The following CSMD1 variants were observed in gnomAD, a reference collection of about 807,000 sequenced individuals.
CSMD1 encodes the protein CUB and Sushi multiple domains 1, also known as CUB and sushi domain-containing protein 1.
Under a neutral mutation model 417.5 loss-of-function variants are expected in CSMD1, and 213 were observed. That is an observed-to-expected ratio of 0.51 (90% confidence interval 0.46 to 0.57). CSMD1 has a LOEUF of 0.57. CSMD1 is among the 20% of genes least tolerant of loss of function. CSMD1 has a pLI of 0.00. For missense variants in CSMD1, 6,923 were observed against 4,529.7 expected (o/e 1.53, Z -15.17); for synonymous variants, 2,862 against 1,736.8 (o/e 1.65, Z -16.11).
At chr8:4,453,319 A>T (rs1395946327) in intron 2 of CSMD1, among the ~76,000 whole-genome samples, 1 of 152,096 alleles carries the variant, frequency 6.6e-6, no homozygotes, top group Non-Finnish European at 1.5e-5. Flanking sequence ...GTCCCCAAGA[A>T]TTCAGACTCC....
intron 5 of CSMD1, among the ~76,000 whole-genome samples, chr8:3,884,377 G>C (rs761493803): frequency 1.3e-5 from 2 of 152,170 alleles, no homozygotes; most frequent in African/African-American, 4.8e-5. Context: ...TAGTGACATG[G>C]TGCTTGCCAA....
intron 1 of CSMD1, among the ~76,000 whole-genome samples, chr8:4,756,210 G>C (rs1352544879): frequency 6.6e-6 from 1 of 152,064 alleles, no homozygotes; most frequent in East Asian, 1.9e-4. Flanking sequence ...TTAACATCTA[G>C]CATAATATAG....
At chr8:4,768,154 G>A (rs1382145394) in intron 1 of CSMD1, among the ~76,000 whole-genome samples, 2 of 152,132 alleles carry the variant, frequency 1.3e-5, no homozygotes, top group East Asian at 1.9e-4. Context: ...AACAAAACTA[G>A]TGGTGAAAAT....
intron 7 of CSMD1, among the ~76,000 whole-genome samples, chr8:3,683,044 T>A (rs1416515764): frequency 6.6e-6 from 1 of 151,852 alleles, no homozygotes; most frequent in Non-Finnish European, 1.5e-5. Context: ...CAGGGACTGT[T>A]GTGGGGTGGG....
chr8:3,229,191 G>A (rs537833841), intron 27 of CSMD1, among the ~76,000 whole-genome samples: 59 of 151,992 alleles, frequency 3.9e-4, no homozygotes, highest in Non-Finnish European at 6.5e-4. Context: ...TATGCAAAAT[G>A]GCCTATCCAT....
rs893203865 is a variant in CSMD1, at chr8:4,440,412, A to G, written c.303-20347T>C. ...GAGGATTGCTCTCACTCACACCTATATCTAATTATCCCTTTTCCCCCAGCA... is the reference window on the plus strand; with the variant it reads ...GAGGATTGCTCTCACTCACACCTATGTCTAATTATCCCTTTTCCCCCAGCA... On this transcript the variant is annotated intron_variant, in intron 2 of 69. Transcript: ENST00000635120. Among the ~76,000 whole-genome samples, 5 of 152,264 alleles carry G rather than the reference A, an allele frequency of 3.3e-5. No individual in the cohort carries two copies. In the East Asian group the frequency reaches 5.8e-4, roughly 18 times the overall value.
intron 9 of CSMD1, among the ~76,000 whole-genome samples, chr8:3,576,672 G>C (rs1273832955): frequency 3.3e-5 from 5 of 152,156 alleles, no homozygotes; most frequent in Non-Finnish European, 7.3e-5. Flanking sequence ...TGTGTCATTG[G>C]TCTAAAGGTC....
At chr8:4,350,200 G>A (rs140495755) in intron 3 of CSMD1, among the ~76,000 whole-genome samples, 1 of 152,028 alleles carries the variant, frequency 6.6e-6, no homozygotes, top group Non-Finnish European at 1.5e-5. Context: ...CTGTACAATT[G>A]CAAGGCTCTG....
chr8:3,734,769 T>C (rs964275482), intron 6 of CSMD1, among the ~76,000 whole-genome samples: 1 of 152,170 alleles, frequency 6.6e-6, no homozygotes, highest in African/African-American at 2.4e-5. Context: ...TCTTCTGTAA[T>C]CAGATCTCTC....
chr8:4,185,986 C>A (rs954658827), intron 3 of CSMD1, among the ~76,000 whole-genome samples: 1 of 152,154 alleles, frequency 6.6e-6, no homozygotes, highest in Non-Finnish European at 1.5e-5. Flanking sequence ...CTTAACAAGT[C>A]CACCTATGTT....
intron 10 of CSMD1, among the ~76,000 whole-genome samples, chr8:3,528,331 T>G (rs1025990774): frequency 6.6e-6 from 1 of 152,234 alleles, no homozygotes; most frequent in African/African-American, 2.4e-5. Context: ...TTCCCCTCTC[T>G]ATTTATACCA....
At chr8:4,282,163 A>G (rs542570175) in intron 3 of CSMD1, among the ~76,000 whole-genome samples, 30 of 152,340 alleles carry the variant, frequency 2.0e-4, no homozygotes, top group African/African-American at 6.0e-4. Flanking sequence ...CGATTTCAAA[A>G]TAACTTCTGA....
chr8:4,790,077 T>A (rs1797612684), intron 1 of CSMD1, among the ~76,000 whole-genome samples: 1 of 152,200 alleles, frequency 6.6e-6, no homozygotes, highest in African/African-American at 2.4e-5. Flanking sequence ...AAACATTCGA[T>A]GAGTTTTGTG....
rs1035812575 is a variant in CSMD1, at chr8:3,647,551, A to C, written c.1010-30754T>G. On this transcript the variant is annotated intron_variant, in intron 7 of 69. Coordinates refer to ENST00000635120, the MANE Select transcript of CSMD1 (RefSeq NM_033225.6). ...AGAGAAATATAGTATAGAGACAAAT[A>C]CAGCATAAAGAGAAATACGGCATAA... Among the ~76,000 whole-genome samples the C allele has an allele frequency of 7.2e-5, 11 of 152,222 alleles. 1 individual carries two copies. The highest frequency in any genetic ancestry group is 1.5e-4 in the Non-Finnish European group (10 of 68,032).
Position 3,919,007 on chromosome 8 carries a change from T to G in CSMD1, c.818+78896A>C, listed in dbSNP as rs74505994. Among the ~76,000 whole-genome samples the G allele has an allele frequency of 8.0e-3, 1,216 of 152,018 alleles. 14 individuals carry two copies. Among genetic ancestry groups the G allele is most frequent in the African/African-American group, 0.027 (1,135 of 41,492 alleles). The stretch of plus-strand genomic sequence containing the variant: ...CTTATTCATGTAACCAAATACCACC[T>G]GCTCCAGAAACACCTATGGAAATAT... On this transcript the variant is annotated intron_variant, in intron 5 of 69. Coordinates refer to ENST00000635120, the MANE Select transcript of CSMD1 (RefSeq NM_033225.6).
intron 3 of CSMD1, among the ~76,000 whole-genome samples, chr8:4,202,834 C>G (rs1015226023): frequency 3.9e-5 from 6 of 152,280 alleles, no homozygotes; most frequent in African/African-American, 1.4e-4. Context: ...GGCAGTGAAG[C>G]TGAAACTTGA....
intron 5 of CSMD1, among the ~76,000 whole-genome samples, chr8:3,874,304 G>C (rs184634995): frequency 8.5e-5 from 13 of 152,226 alleles, no homozygotes; most frequent in Admixed American, 5.2e-4. Flanking sequence ...CCTGTACTTT[G>C]GAAATACAGG....
chr8:4,516,544 G>A (rs1291041281), intron 2 of CSMD1, among the ~76,000 whole-genome samples: 1 of 152,056 alleles, frequency 6.6e-6, no homozygotes, highest in Non-Finnish European at 1.5e-5. Flanking sequence ...CCCCTGCTTG[G>A]TGTGGCCCCC....
chr8:4,543,550 G>A (rs1797495407), intron 2 of CSMD1, among the ~76,000 whole-genome samples: 1 of 151,730 alleles, frequency 6.6e-6, no homozygotes, highest in African/African-American at 2.4e-5. Flanking sequence ...AACACATATT[G>A]GATGCTTCCA....
Sources: gnomAD v4.1 joint callset for allele counts (sites outside exome capture counted in the v4.1 genomes callset) on GRCh38, gnomAD v4.1.1 for gene constraint, MANE v1.5 for transcripts, NCBI Gene and HGNC (gene_info 2026-07-23, HGNC 2026-07-21) for gene names.